The following PPP2R2B variants were observed in gnomAD, a reference collection of about 807,000 sequenced individuals.
PPP2R2B encodes the protein protein phosphatase 2 regulatory subunit Bbeta.
Under a neutral mutation model 46.0 loss-of-function variants are expected in PPP2R2B, and 5 were observed. That is an observed-to-expected ratio of 0.11 (90% confidence interval 0.06 to 0.23). The LOEUF is 0.23. PPP2R2B is among the 10% of genes least tolerant of loss of function. The pLI, the probability that PPP2R2B is intolerant of heterozygous loss-of-function variation, is 1.00. For missense variants in PPP2R2B, 367 were observed against 575.0 expected (o/e 0.64, Z 3.70); for synonymous variants, 215 against 206.7 (o/e 1.04, Z -0.34).
rs191317492 is a variant in PPP2R2B, at chr5:146,713,176, C to T, written c.71-12034G>A. Among the ~76,000 whole-genome samples the T allele has an allele frequency of 5.3e-5, 8 of 152,218 alleles. No homozygotes were observed. In the East Asian group the frequency reaches 1.4e-3, roughly 26 times the overall value. On this transcript the variant is annotated intron_variant, in intron 2 of 9. Transcript: ENST00000394411. The stretch of plus-strand genomic sequence containing the variant: ...TGGGGGAGACTTGAAGGAGTGGAGG[C>T]GTTCACGATGCAGGTATCTGTAGGA...
chr5:146,766,685 A>G (rs954246646), intron 2 of PPP2R2B, among the ~76,000 whole-genome samples: 1 of 152,184 alleles, frequency 6.6e-6, no homozygotes, highest in Non-Finnish European at 1.5e-5. Flanking sequence ...AGTCTCACAG[A>G]CAGCAAGTTC....
chr5:147,026,679 G>C (rs1397579341), intron 1 of PPP2R2B, among the ~76,000 whole-genome samples: 3 of 151,874 alleles, frequency 2.0e-5, no homozygotes, highest in African/African-American at 4.8e-5. Flanking sequence ...ATATACAAAT[G>C]ACCAATAAGC....
At chr5:146,813,865 G>A (rs1561928627) in intron 2 of PPP2R2B, among the ~76,000 whole-genome samples, 2 of 152,114 alleles carry the variant, frequency 1.3e-5, no homozygotes, top group African/African-American at 2.4e-5. Flanking sequence ...GGACAGAAAC[G>A]GAGAGAGCAA....
intron 1 of PPP2R2B, among the ~76,000 whole-genome samples, chr5:146,902,828 C>T (rs1164507415): frequency 1.8e-5 from 2 of 112,118 alleles, no homozygotes; most frequent in Admixed American, 9.2e-5. Flanking sequence ...CAAAGTTTTG[C>T]TACACTGGAA....
chr5:146,680,194 A>T (rs1437287320), intron 5 of PPP2R2B, among the ~76,000 whole-genome samples: 1 of 148,712 alleles, frequency 6.7e-6, no homozygotes, highest in East Asian at 2.0e-4. Context: ...GCACATATAC[A>T]CCATGGAATA....
chr5:146,615,698 G>T (rs1773105500), intron 7 of PPP2R2B, among the ~76,000 whole-genome samples: 1 of 151,786 alleles, frequency 6.6e-6, no homozygotes, highest in South Asian at 2.1e-4. Flanking sequence ...AGAAGTAAAA[G>T]GTCTCTACAA....
chr5:146,594,499 TAAC>T lies in PPP2R2B; in HGVS notation c.961-1440_961-1438del, dbSNP rs538979328. Among the ~76,000 whole-genome samples the T allele has an allele frequency of 1.1e-4, 17 of 152,348 alleles. No individual in the cohort carries two copies. In the East Asian group the frequency reaches 3.3e-3, roughly 29 times the overall value. ...ACCCACTAGCACGGAGTGGCAATAA[TAAC>T]GGGCATACCCAATATGCTGGCTTGT... On this transcript the variant is annotated intron_variant, in intron 8 of 9. Coordinates refer to ENST00000394411, the MANE Select transcript of PPP2R2B (RefSeq NM_181675.4).
chr5:146,857,091 C>G (rs1760716993), intron 2 of PPP2R2B, among the ~76,000 whole-genome samples: 1 of 152,096 alleles, frequency 6.6e-6, no homozygotes, highest in Non-Finnish European at 1.5e-5. Flanking sequence ...GTCCTGTGGA[C>G]AGGATACTCA....
chr5:146,991,710 G>T (rs1016079559), intron 1 of PPP2R2B, among the ~76,000 whole-genome samples: 1 of 151,936 alleles, frequency 6.6e-6, no homozygotes, highest in African/African-American at 2.4e-5. Flanking sequence ...TACAATTATT[G>T]TTTCAATTAT....
chr5:146,966,604 T>C (rs1752424899), intron 1 of PPP2R2B, among the ~76,000 whole-genome samples: 1 of 152,212 alleles, frequency 6.6e-6, no homozygotes, highest in Admixed American at 6.5e-5. Flanking sequence ...TTTCTTTCTG[T>C]TTCCCATCCC....
At chr5:146,799,953 G>A (rs900312341) in intron 2 of PPP2R2B, among the ~76,000 whole-genome samples, 1 of 152,090 alleles carries the variant, frequency 6.6e-6, no homozygotes, top group African/African-American at 2.4e-5. Flanking sequence ...AGCATCAGAA[G>A]AGGGATTGCA....
chr5:146,997,746 C>T (rs549301731), intron 1 of PPP2R2B, among the ~76,000 whole-genome samples: 9 of 152,016 alleles, frequency 5.9e-5, no homozygotes, highest in South Asian at 2.1e-4. Flanking sequence ...TTAATTTTTG[C>T]GAATAAAGTA....
intron 5 of PPP2R2B, among the ~76,000 whole-genome samples, chr5:146,683,899 C>T (rs1384058299): frequency 6.6e-6 from 1 of 152,160 alleles, no homozygotes; most frequent in Non-Finnish European, 1.5e-5. Flanking sequence ...CACTGAGTTA[C>T]ACACATCACA....
intron 2 of PPP2R2B, among the ~76,000 whole-genome samples, chr5:146,796,636 A>G (rs999494142): frequency 2.0e-5 from 3 of 152,178 alleles, no homozygotes. Context: ...ATGATTAATA[A>G]GGATTTGCTG....
At chr5:146,643,360 T>C (rs943578219) in intron 6 of PPP2R2B, among the ~76,000 whole-genome samples, 1 of 140,600 alleles carries the variant, frequency 7.1e-6, no homozygotes, top group East Asian at 3.1e-4. Context: ...GGAGCCTATA[T>C]TCTAGTAGGG....
At chr5:146,634,219 G>A (rs1240821362) in intron 7 of PPP2R2B, among the ~76,000 whole-genome samples, 10 of 152,174 alleles carry the variant, frequency 6.6e-5, no homozygotes, top group African/African-American at 2.4e-4. Context: ...CCTCCTGCAA[G>A]GGAAAGAGAA....
intron 2 of PPP2R2B, among the ~76,000 whole-genome samples, chr5:146,864,784 T>A (rs1761212006): frequency 6.6e-6 from 1 of 152,144 alleles, no homozygotes; most frequent in Admixed American, 6.5e-5. Context: ...AATGGCTGTA[T>A]CTTTAAGAAT....
chr5:146,744,205 A>G (rs1753041450), intron 2 of PPP2R2B, among the ~76,000 whole-genome samples: 1 of 152,098 alleles, frequency 6.6e-6, no homozygotes, highest in Non-Finnish European at 1.5e-5. Context: ...CTCCCACACC[A>G]TCCCCTGCCC....
At chr5:146,811,557 A>ATTTTTT (rs1178978309) in intron 2 of PPP2R2B, among the ~76,000 whole-genome samples, 5 of 95,742 alleles carry the variant, frequency 5.2e-5, no homozygotes, top group Non-Finnish European at 8.1e-5. Context: ...TCAACTATGT[A>ATTTTTT]TTTTTTTTTT....
Sources: gnomAD v4.1 joint callset for allele counts (sites outside exome capture counted in the v4.1 genomes callset) on GRCh38, gnomAD v4.1.1 for gene constraint, MANE v1.5 for transcripts, NCBI Gene and HGNC (gene_info 2026-07-23, HGNC 2026-07-21) for gene names.